Variants in SLCO6A1 observed in about 807,000 individuals in gnomAD.
SLCO6A1 encodes the protein cancer/testis antigen 48.
In SLCO6A1, 65 loss-of-function variants were observed where a neutral mutation model predicts 72.7. The ratio of observed to expected loss-of-function variants is 0.89; its 90% CI spans 0.73 to 1.10. The LOEUF (loss-of-function observed/expected upper bound fraction) is 1.10. Ranked by LOEUF, SLCO6A1 falls within the 50% of genes least tolerant of loss-of-function variation. The pLI is 0.00. For missense variants in SLCO6A1, 874 were observed against 872.6 expected, an observed-to-expected ratio of 1.00 and a Z score of -0.02; for synonymous variants, 314 against 298.2, an observed-to-expected ratio of 1.05 and a Z score of -0.55.
chr5:102,378,829 G>A (rs568278932), intron 12 of SLCO6A1, among the ~76,000 whole-genome samples: 4 of 151,872 alleles, frequency 2.6e-5, no homozygotes, highest in African/African-American at 7.3e-5. Context: ...TCACCCAGGC[G>A]GGAGTGCAGT....
chr5:102,411,076 G>A (rs1367408452), intron 9 of SLCO6A1, among the ~76,000 whole-genome samples: 2 of 152,086 alleles, frequency 1.3e-5, no homozygotes, highest in East Asian at 3.9e-4. Context: ...AGGGGATTGG[G>A]TGCCGCTGTT....
At chr5:102,469,871 G>T (rs945838372) in intron 4 of SLCO6A1, among the ~76,000 whole-genome samples, 1 of 152,118 alleles carries the variant, frequency 6.6e-6, no homozygotes, top group African/African-American at 2.4e-5. Context: ...AGCATGAAAG[G>T]CTGCTGAATT....
intron 8 of SLCO6A1, 50 bp from the exon 9 acceptor site, chr5:102,413,193 T>C (rs1389561079): frequency 1.4e-6 from 2 of 1,478,532 alleles, no homozygotes; most frequent in Non-Finnish European, 9.0e-7. Flanking sequence ...TTTATAATTA[T>C]TGATGCAAAT....
chr5:102,435,904 T>C (rs983649112), intron 7 of SLCO6A1, among the ~76,000 whole-genome samples: 53 of 151,368 alleles, frequency 3.5e-4, no homozygotes, highest in African/African-American at 1.3e-3. Flanking sequence ...TATCAGGAGC[T>C]GGAGCTGGAG....
chr5:102,448,019 C>A (rs1289227521), intron 6 of SLCO6A1, among the ~76,000 whole-genome samples: 1 of 152,116 alleles, frequency 6.6e-6, no homozygotes, highest in Non-Finnish European at 1.5e-5. Flanking sequence ...GCACTATAAA[C>A]TTCCTTCTTA....
At chr5:102,487,851 T>C (rs1475621952) in intron 1 of SLCO6A1, among the ~76,000 whole-genome samples, 1 of 152,226 alleles carries the variant, frequency 6.6e-6, no homozygotes, top group Non-Finnish European at 1.5e-5. Context: ...TGGTTGTCTT[T>C]TAGATCTTAC....
chr5:102,404,337 T>C (rs1747555324), intron 9 of SLCO6A1, among the ~76,000 whole-genome samples: 1 of 151,974 alleles, frequency 6.6e-6, no homozygotes, highest in South Asian at 2.1e-4. Flanking sequence ...CTACTAAAAA[T>C]ACAAACAATT....
At chr5:102,377,603 A>G (rs75119073) in intron 12 of SLCO6A1, among the ~76,000 whole-genome samples, 41,578 of 151,594 alleles carry the variant, frequency 0.27, 5,693 homozygotes, top group African/African-American at 0.31. Context: ...ATTACACCTC[A>G]GTTTTTTTTA....
intron 7 of SLCO6A1, among the ~76,000 whole-genome samples, chr5:102,423,257 A>AAATTC (rs1561449103): frequency 6.6e-6 from 1 of 152,222 alleles, no homozygotes; most frequent in Admixed American, 6.5e-5. Flanking sequence ...TGACAGGATC[A>AAATTC]AATTCGCACA....
chr5:102,458,362 A>G lies in SLCO6A1; in HGVS notation c.1131+20T>C. 1 of 1,545,248 alleles carries G rather than the reference A, an allele frequency of 6.5e-7. No homozygotes were observed. Among genetic ancestry groups the G allele is most frequent in the Non-Finnish European group, 8.9e-7 (1 of 1,124,900 alleles). ...CAGGTCAACTTAGTTGGATTGTTCA[A>G]GTAAAATATTTTACTTTACCCAAAG... is the stretch of plus-strand genomic sequence containing the variant. On this transcript the variant is annotated intron_variant, in intron 6 of 13. Transcript: ENST00000506729.
At position 102,475,692 on chromosome 5, in the gene SLCO6A1, C is replaced by T. The variant is rs754511187; in HGVS notation, c.899+5G>A. ...TAAACAAAAAAAGAAAAAATAATGC[C>T]TTACTTTGTTGCAGAAGTAGTATTC... On this transcript the variant is annotated splice_donor_5th_base_variant and intron_variant, in intron 4 of 13. Coordinates refer to ENST00000506729, the MANE Select transcript of SLCO6A1 (RefSeq NM_173488.5). 3 of 1,585,098 alleles carry T rather than the reference C, an allele frequency of 1.9e-6. No individual in the cohort carries two copies. In the East Asian group the frequency reaches 6.8e-5, roughly 36 times the overall value.
At chr5:102,400,937 C>T (rs6596482) in intron 9 of SLCO6A1, among the ~76,000 whole-genome samples, 96,661 of 151,646 alleles carry the variant, frequency 0.64, 30,973 homozygotes, top group African/African-American at 0.66. Flanking sequence ...ATATAGAAAC[C>T]ACCATTCCAT....
At chr5:102,453,148 T>A (rs1750516314) in intron 6 of SLCO6A1, among the ~76,000 whole-genome samples, 1 of 152,048 alleles carries the variant, frequency 6.6e-6, no homozygotes, top group South Asian at 2.1e-4. Context: ...ATATCTCACA[T>A]AAGCCCAGTT....
chr5:102,378,721 A>AGG (rs1745946140), intron 12 of SLCO6A1, among the ~76,000 whole-genome samples: 5 of 152,130 alleles, frequency 3.3e-5, no homozygotes, highest in Non-Finnish European at 7.4e-5. Flanking sequence ...ATTGTTGTAC[A>AGG]AAATGCCATT....
intron 8 of SLCO6A1, among the ~76,000 whole-genome samples, chr5:102,418,306 G>T (rs939154100): frequency 2.6e-5 from 4 of 151,670 alleles, no homozygotes; most frequent in Admixed American, 6.6e-5. Flanking sequence ...ATGTGTTATG[G>T]TGTAATTTTT....
At chr5:102,436,552 C>T (rs1749546997) in intron 7 of SLCO6A1, among the ~76,000 whole-genome samples, 1 of 152,128 alleles carries the variant, frequency 6.6e-6, no homozygotes, top group Non-Finnish European at 1.5e-5. Flanking sequence ...AGCTAACTTA[C>T]AGGGAGTGTA....
chr5:102,391,259 A>G (rs1452064), intron 10 of SLCO6A1: 346,137 of 539,160 alleles, frequency 0.64, 112,098 homozygotes, highest in African/African-American at 0.67. Flanking sequence ...AAAGGTCCTT[A>G]GTCTTCCCAA....
At chr5:102,490,618 G>C (rs1213617914) in intron 1 of SLCO6A1, among the ~76,000 whole-genome samples, 1 of 152,144 alleles carries the variant, frequency 6.6e-6, no homozygotes, top group African/African-American at 2.4e-5. Flanking sequence ...GAGTTTGTTT[G>C]TTCTGATGTT....
intron 8 of SLCO6A1, among the ~76,000 whole-genome samples, chr5:102,418,469 C>T (rs1008801573): frequency 6.6e-6 from 1 of 152,032 alleles, no homozygotes; most frequent in Non-Finnish European, 1.5e-5. Flanking sequence ...CATACAATGG[C>T]CATCTGAAGC....
Sources: gnomAD v4.1 joint callset for allele counts (sites outside exome capture counted in the v4.1 genomes callset) on GRCh38, gnomAD v4.1.1 for gene constraint, MANE v1.5 for transcripts, NCBI Gene and HGNC (gene_info 2026-07-23, HGNC 2026-07-21) for gene names.